ZSWIM8: variants seen among roughly 807,000 people sequenced by gnomAD.
The protein encoded by ZSWIM8 is zinc finger SWIM domain-containing protein 8.
A neutral mutation model predicts 173.7 loss-of-function variants in ZSWIM8; 27 were observed. That is an observed-to-expected ratio of 0.16 (90% CI 0.11 to 0.21). ZSWIM8 has a LOEUF of 0.21. Ranked by LOEUF, ZSWIM8 falls within the 10% of genes least tolerant of loss-of-function variation. The probability of loss-of-function intolerance (pLI) is 1.00; values close to 1 mark genes in which losing one functional copy is unlikely to be tolerated. For missense variants in ZSWIM8, 1,627 were observed against 2,428.8 expected (o/e 0.67, Z 6.94); for synonymous variants, 958 against 962.0 (o/e 1.00, Z 0.08).
At chr10:73,795,107 C>T (rs555006301) in intron 14 of ZSWIM8, among the ~76,000 whole-genome samples, 2 of 149,148 alleles carry the variant, frequency 1.3e-5, no homozygotes, top group East Asian at 3.9e-4. Context: ...TTGTCTCAAA[C>T]AAAGAAAAAA....
At position 73,793,418 on chromosome 10, in the gene ZSWIM8, C is replaced by T. The variant is rs75062445; in HGVS notation, c.2314-170C>T. Among the ~76,000 whole-genome samples, 872 of 152,332 alleles carry T rather than the reference C, an allele frequency of 5.7e-3. 4 individuals carry two copies. Among genetic ancestry groups the T allele is most frequent in the South Asian group, 0.015 (71 of 4,820 alleles). The stretch of plus-strand genomic sequence containing the variant: ...CCTTTCCCTGTAATAGCTGGCATCA[C>T]GGTGGCATGTGTGTTTATGTGTCTG... On this transcript the variant is annotated intron_variant, in intron 10 of 25. Coordinates refer to ENST00000604729, the MANE Select transcript of ZSWIM8 (RefSeq NM_001367799.1).
chr10:73,791,642 AT>A lies in ZSWIM8; in HGVS notation c.1319+146del. On this transcript the variant is annotated intron_variant, in intron 9 of 25. Coordinates refer to ENST00000604729, the MANE Select transcript of ZSWIM8 (RefSeq NM_001367799.1). The surrounding 1 kb of genome is among the most constrained non-coding windows in gnomAD (Gnocchi z 6.0). ...GTGCTGAGCACTGGTGTTAGCAGTG[AT>A]TTACGAGTCCTTTTTCTGAGAGGCT... 1 of 1,165,248 alleles carries A rather than the reference AT, an allele frequency of 8.6e-7. No individual in the cohort carries two copies. Among genetic ancestry groups the A allele is most frequent in the Non-Finnish European group, 1.2e-6 (1 of 855,818 alleles). The allele number at this position is 1,165,248 out of a possible 1,614,324, so 72.2% of individuals were successfully genotyped here.
At position 73,793,645 on chromosome 10, in the gene ZSWIM8, C is replaced by A; in HGVS notation, c.2371C>A (p.Arg791Ser). 6.2e-7 allele frequency: 1 copy of A among 1,613,486 alleles called. No individual in the cohort carries two copies. Among genetic ancestry groups the A allele is most frequent in the Non-Finnish European group, 8.5e-7 (1 of 1,179,604 alleles). ...HAHGYSSEASRLTVELAQDLL... is the reference protein window; with the variant it reads ...HAHGYSSEASSLTVELAQDLL... ...GCATGGCTATAGCAGTGAGGCCTCCCGTCTCACTGTGGAGCTTGCCCAGGA... is the reference window on the plus strand; with the variant it reads ...GCATGGCTATAGCAGTGAGGCCTCCAGTCTCACTGTGGAGCTTGCCCAGGA... The change falls in exon 11 of 26, where the codon CGT becomes AGT. Residue 791 changes from arginine (R) to serine (S), a missense_variant. Coordinates refer to ENST00000604729, the MANE Select transcript of ZSWIM8 (RefSeq NM_001367799.1).
At chr10:73,786,205 G>A in intron 1 of ZSWIM8, 119 bp downstream of exon 1, 1 of 1,173,380 alleles carries the variant, frequency 8.5e-7, no homozygotes, top group Non-Finnish European at 1.1e-6. Flanking sequence ...GAAGAAAGGG[G>A]AGCTGTCCCC....
chr10:73,786,352 G>A, intron 1 of ZSWIM8: 1 of 377,924 alleles, frequency 2.6e-6, no homozygotes. Flanking sequence ...GTGTGCGCGC[G>A]CGCGCGTGCG....
intron 20 of ZSWIM8, 106 bp from the exon 21 acceptor site, chr10:73,798,896 T>C (rs941524828): frequency 8.3e-6 from 12 of 1,447,862 alleles, no homozygotes; most frequent in East Asian, 4.6e-5. Context: ...CCTCTGATGA[T>C]TCCCTGGGAA....
At chr10:73,796,452 A>G (rs183299616) in intron 15 of ZSWIM8, 154 of 431,712 alleles carry the variant, frequency 3.6e-4, no homozygotes, top group Middle Eastern at 1.3e-3. Flanking sequence ...GAGAAGACCA[A>G]TGGTTCTTAT....
chr10:73,790,395 T>C, intron 7 of ZSWIM8, 103 bp downstream of exon 7: 1 of 1,486,568 alleles, frequency 6.7e-7, no homozygotes, highest in Non-Finnish European at 9.0e-7. Context: ...CCCTACCTTT[T>C]ATTCCCTGAA....
rs1470270668 is a variant in ZSWIM8 at position 73,800,545 on chromosome 10, C to T, written c.5002+73C>T. ...GCTCTTCAGAGGACCCTTCCTCTAG[C>T]TCTTCATTTGTTTACTGTGGGGTCA... On this transcript the variant is annotated intron_variant, in intron 23 of 25. Transcript: ENST00000604729. This position sits in a 1 kb window ranked among gnomAD's most constrained non-coding sequence, Gnocchi z 4.1. 1.9e-6 allele frequency: 3 copies of T among 1,602,442 alleles called. No individual in the cohort carries two copies. Among genetic ancestry groups the T allele is most frequent in the Non-Finnish European group, 2.6e-6 (3 of 1,173,342 alleles).
In ZSWIM8 at chr10:73,795,791, C is replaced by T. The variant is rs907390037; in HGVS notation, c.3033+128C>T. 2.7e-5 allele frequency: 29 copies of T among 1,087,780 alleles called. No individual in the cohort carries two copies. The African/African-American group carries it at 4.3e-4, about 16-fold the overall frequency. The allele number at this position is 1,087,780 out of a possible 1,614,324, so 67.4% of individuals were successfully genotyped here. A position where few individuals can be genotyped will look rare whatever the true frequency, so the allele number is the denominator to read the frequency against. ...TGGGCAACATGGCGAAACCCCGTCT[C>T]TACCAAAAAATACAAAAAATTAGCA... On this transcript the variant is annotated intron_variant, in intron 15 of 25. Transcript: ENST00000604729.
rs949759735 is a variant in ZSWIM8, at chr10:73,792,239, C to T, written c.1700C>T (p.Ser567Leu). The T allele has an allele frequency of 2.6e-6, 4 of 1,565,802 alleles. No homozygotes were observed. Among genetic ancestry groups the T allele is most frequent in the Admixed American group, 1.8e-5 (1 of 54,426 alleles). The stretch of plus-strand genomic sequence containing the variant: ...TCACAGCGGGGTCCCCGCCGCCTCT[C>T]AGCTGAAGGGGGAGATAAAGCTCTA... ...PSSQRGPRRL[S>L]AEGGDKALHK... Residue 567 changes from serine to leucine, a missense_variant, in exon 10 of 26, where the codon TCA becomes TTA. Physicochemically the swap from Ser to Leu is moderately radical, Grantham distance 145. Coordinates refer to ENST00000604729, the MANE Select transcript of ZSWIM8 (RefSeq NM_001367799.1). The surrounding 1 kb of genome is among the most constrained non-coding windows in gnomAD (Gnocchi z 4.3).
chr10:73,799,649 G>A (rs1268738958), intron 21 of ZSWIM8, 159 bp downstream of exon 21: 15 of 1,025,122 alleles, frequency 1.5e-5, no homozygotes, highest in East Asian at 2.6e-5. Context: ...AAGAAATGAC[G>A]GCCGGGCATG....
Position 73,785,743 on chromosome 10 carries a change from C to A in ZSWIM8, c.-136C>A. 1.1e-6 allele frequency: 1 copy of A among 902,554 alleles called. No homozygotes were observed. The highest frequency in any genetic ancestry group is 1.7e-6 in the Non-Finnish European group (1 of 584,062). 55.9% of individuals were successfully genotyped at this position (902,554 alleles called of 1,614,324 possible). ...TCCCAGGCCTGAGATTCTCGCCCGG[C>A]ACGGCCGCCCTGAGCGCCCCGGCCA... On this transcript the variant is annotated 5_prime_UTR_variant, in exon 1 of 26. Coordinates refer to ENST00000604729, the MANE Select transcript of ZSWIM8 (RefSeq NM_001367799.1).
At position 73,789,937 on chromosome 10, in the gene ZSWIM8, C is replaced by T. The variant is rs552516030; in HGVS notation, c.739-19C>T. 3 of 1,610,394 alleles carry T rather than the reference C, an allele frequency of 1.9e-6. No individual in the cohort carries two copies. The highest frequency in any genetic ancestry group is 3.4e-5 in the Admixed American group (2 of 59,554). On this transcript the variant is annotated intron_variant, in intron 5 of 25. Transcript: ENST00000604729. The surrounding 1 kb of genome is among the most constrained non-coding windows in gnomAD (Gnocchi z 6.8). The stretch of plus-strand genomic sequence containing the variant: ...CACCTAGGCCGTGTTCTGCCTGCCT[C>T]CGTCTCTTTCTCCCTCAGATCCTCC...
In ZSWIM8 at chr10:73,800,017, C is replaced by T. The variant is rs1344738351; in HGVS notation, c.4672C>T (p.His1558Tyr). The T allele has an allele frequency of 1.2e-6, 2 of 1,613,254 alleles. No homozygotes were observed. Residue 1558 changes from histidine to tyrosine, a missense_variant, in exon 22 of 26, where the codon CAT becomes TAT. By Grantham distance (83) the His-to-Tyr change is moderately conservative. Transcript: ENST00000604729. This position sits in a 1 kb window ranked among gnomAD's most constrained non-coding sequence, Gnocchi z 4.1. ...VPSSAYPQGV[H>Y]PAFLGAQYPY... ...TTCTTCTCCCTGCCCCTAGGGTGTG[C>T]ATCCTGCATTCCTAGGGGCTCAGTA... is the stretch of plus-strand genomic sequence containing the variant.
rs2083880899 is a variant in ZSWIM8, at chr10:73,800,310, C to A, written c.4840C>A (p.Pro1614Thr). 7.4e-6 allele frequency: 12 copies of A among 1,613,834 alleles called. No homozygotes were observed. The highest frequency in any genetic ancestry group is 8.5e-6 in the Non-Finnish European group (10 of 1,179,790). The change falls in exon 23 of 26, where the codon CCA becomes ACA. Residue 1614 changes from proline to threonine, a missense_variant. Physicochemically the swap from Pro to Thr is conservative, Grantham distance 38. Coordinates refer to ENST00000604729, the MANE Select transcript of ZSWIM8 (RefSeq NM_001367799.1). The surrounding 1 kb of genome is among the most constrained non-coding windows in gnomAD (Gnocchi z 4.1). ...PTSVALSSVH[P>T]ASTFPAIQGA... is the part of the protein sequence containing the mutation. ...ACCCCACTTAGTGAGCAGTGTCCAT[C>A]CAGCATCCACGTTTCCAGCCATCCA...
rs2083945309 is a variant in ZSWIM8 at position 73,801,232 on chromosome 10, TC to T, written c.5301+39del. 1.2e-6 allele frequency: 2 copies of T among 1,601,588 alleles called. No homozygotes were observed. The highest frequency in any genetic ancestry group is 1.3e-5 in the African/African-American group (1 of 74,626). Reference sequence around the variant, plus strand: ...GAATTATGGAGCAGGGTGGAGCACTTCCTGGGTGGTCTTGGACCAGAGGGAG... The same window carrying T: ...GAATTATGGAGCAGGGTGGAGCACTTCTGGGTGGTCTTGGACCAGAGGGAG... On this transcript the variant is annotated intron_variant, in intron 25 of 25. Transcript: ENST00000604729. This position sits in a 1 kb window ranked among gnomAD's most constrained non-coding sequence, Gnocchi z 4.9.
Position 73,801,727 on chromosome 10 carries a change from G to C in ZSWIM8, c.*208G>C. The C allele has an allele frequency of 6.5e-7, 1 of 1,529,534 alleles. No individual in the cohort carries two copies. Among genetic ancestry groups the C allele is most frequent in the East Asian group, 2.5e-5 (1 of 40,490 alleles). 94.7% of individuals were successfully genotyped at this position (1,529,534 alleles called of 1,614,324 possible). The stretch of plus-strand genomic sequence containing the variant: ...CTGGGGGAGACAGCCCTGTCTGGGA[G>C]GGGGCGTTGGGTGGCCTCTGGTATT... On this transcript the variant is annotated 3_prime_UTR_variant, in exon 26 of 26. Coordinates refer to ENST00000604729, the MANE Select transcript of ZSWIM8 (RefSeq NM_001367799.1). The surrounding 1 kb of genome is among the most constrained non-coding windows in gnomAD (Gnocchi z 4.9).
At chr10:73,793,421 T>G (rs1281770763) in intron 10 of ZSWIM8, among the ~76,000 whole-genome samples, 167 bp from the exon 11 acceptor site, 1 of 152,198 alleles carries the variant, frequency 6.6e-6, no homozygotes, top group African/African-American at 2.4e-5. Flanking sequence ...GGCATCACGG[T>G]GGCATGTGTG....
Sources: allele counts gnomAD v4.1 joint callset (sites outside exome capture counted in the v4.1 genomes callset), GRCh38; gene constraint gnomAD v4.1.1; non-coding constraint Gnocchi (gnomAD v3.1); transcripts MANE v1.5; gene names NCBI Gene and HGNC (gene_info 2026-07-23, HGNC 2026-07-21).